Variants in CACNA2D3 observed in about 807,000 individuals in gnomAD.
The protein encoded by CACNA2D3 is calcium voltage-gated channel auxiliary subunit alpha2delta 3.
CACNA2D3 carries 60 observed loss-of-function variants against 160.6 expected under a neutral mutation model. The observed-to-expected ratio is 0.37, with a 90% CI of 0.30 to 0.46. The LOEUF (loss-of-function observed/expected upper bound fraction) is 0.46, where lower values mean the gene tolerates loss of function less well. Ranked by LOEUF, CACNA2D3 falls within the 20% of genes least tolerant of loss-of-function variation. The probability of loss-of-function intolerance (pLI) is 1.00; values close to 1 mark genes in which losing one functional copy is unlikely to be tolerated. For synonymous variants in CACNA2D3, 558 were observed against 492.9 expected (o/e 1.13, Z -1.75); for missense variants, 1,205 against 1,365.0 (o/e 0.88, Z 1.85).
intron 35 of CACNA2D3, among the ~76,000 whole-genome samples, chr3:55,058,731 A>G (rs756936006): frequency 3.3e-5 from 5 of 152,182 alleles, no homozygotes; most frequent in Non-Finnish European, 5.9e-5. Context: ...TTGTGTAAAA[A>G]ATAAAACAAA....
chr3:54,947,756 G>A (rs1043877949), intron 27 of CACNA2D3, among the ~76,000 whole-genome samples: 1 of 152,138 alleles, frequency 6.6e-6, no homozygotes, highest in African/African-American at 2.4e-5. Flanking sequence ...AATATGAAGG[G>A]CTTGGATGCT....
intron 4 of CACNA2D3, among the ~76,000 whole-genome samples, chr3:54,435,855 A>G (rs775685335): frequency 7.2e-5 from 11 of 152,232 alleles, no homozygotes; most frequent in Non-Finnish European, 1.3e-4. Context: ...ACAAATGAAA[A>G]TTAGAAAATC....
chr3:54,265,781 CA>C (rs539083078), intron 2 of CACNA2D3, among the ~76,000 whole-genome samples: 189 of 130,372 alleles, frequency 1.4e-3, no homozygotes, highest in Non-Finnish European at 1.6e-3. Context: ...CATATGAAGG[CA>C]AAAAAAAAAA....
At chr3:54,184,247 C>T (rs796650281) in intron 2 of CACNA2D3, among the ~76,000 whole-genome samples, 24 of 152,306 alleles carry the variant, frequency 1.6e-4, no homozygotes, top group African/African-American at 5.5e-4. Context: ...CTTGACAAAC[C>T]CTTCAGGCTG....
intron 35 of CACNA2D3, among the ~76,000 whole-genome samples, chr3:55,049,572 A>G (rs1197150575): frequency 1.4e-5 from 2 of 145,834 alleles, no homozygotes; most frequent in Non-Finnish European, 3.0e-5. Context: ...AAAAAAATGT[A>G]TATTCTGTTG....
chr3:54,204,941 GA>G (rs1407843977), intron 2 of CACNA2D3, among the ~76,000 whole-genome samples: 1 of 151,410 alleles, frequency 6.6e-6, no homozygotes, highest in African/African-American at 2.4e-5. Flanking sequence ...AAGTTTTTTA[GA>G]AAAAAACATA....
intron 35 of CACNA2D3, among the ~76,000 whole-genome samples, chr3:55,026,974 G>A (rs191895238): frequency 2.6e-5 from 4 of 151,668 alleles, no homozygotes; most frequent in Non-Finnish European, 4.4e-5. Context: ...CTCTCTCACC[G>A]CTAAGCGCGC....
chr3:54,918,849 C>T, intron 27 of CACNA2D3: 1 of 1,575,256 alleles, frequency 6.3e-7, no homozygotes, highest in African/African-American at 1.4e-5. Context: ...CCTTTCCCTT[C>T]CAGGTGTCTG....
intron 11 of CACNA2D3, among the ~76,000 whole-genome samples, chr3:54,690,133 T>C (rs1700546038): frequency 6.6e-6 from 1 of 152,000 alleles, no homozygotes; most frequent in African/African-American, 2.4e-5. Context: ...CTTGTCACTT[T>C]CTCTGTAACA....
chr3:54,961,994 G>C (rs770385489), intron 27 of CACNA2D3, among the ~76,000 whole-genome samples: 6 of 152,056 alleles, frequency 3.9e-5, no homozygotes, highest in Non-Finnish European at 8.8e-5. Context: ...GACTGAGCGT[G>C]CTCACTCAGG....
intron 13 of CACNA2D3, 32 bp from the exon 14 acceptor site, chr3:54,816,820 TC>T (rs1323129844): frequency 1.2e-6 from 2 of 1,610,494 alleles, no homozygotes; most frequent in South Asian, 2.2e-5. Context: ...TCAACTTTTT[TC>T]TTTTTTGTTT....
intron 35 of CACNA2D3, among the ~76,000 whole-genome samples, chr3:55,052,217 A>T (rs1254598250): frequency 6.6e-6 from 1 of 152,116 alleles, no homozygotes; most frequent in African/African-American, 2.4e-5. Flanking sequence ...TGTATCGTTC[A>T]TTTGAAAATA....
At chr3:54,438,819 A>G (rs1700098238) in intron 4 of CACNA2D3, among the ~76,000 whole-genome samples, 1 of 152,226 alleles carries the variant, frequency 6.6e-6, no homozygotes, top group Non-Finnish European at 1.5e-5. Context: ...TACTTGATCT[A>G]AGCTTTATAT....
chr3:54,757,213 G>C (rs1701988495), intron 12 of CACNA2D3, among the ~76,000 whole-genome samples: 1 of 152,098 alleles, frequency 6.6e-6, no homozygotes, highest in Non-Finnish European at 1.5e-5. Flanking sequence ...TTCCAGCTGT[G>C]CAAATAAAGA....
At chr3:54,662,285 C>G (rs891648489) in intron 11 of CACNA2D3, among the ~76,000 whole-genome samples, 3 of 152,110 alleles carry the variant, frequency 2.0e-5, no homozygotes, top group Non-Finnish European at 4.4e-5. Context: ...ATAACTCAAA[C>G]TTTCATGGAT....
intron 2 of CACNA2D3, among the ~76,000 whole-genome samples, chr3:54,140,266 A>T (rs995211380): frequency 6.6e-6 from 1 of 152,198 alleles, no homozygotes; most frequent in Non-Finnish European, 1.5e-5. Context: ...GTGAAAACAA[A>T]TATTTGTCCA....
At chr3:54,771,414 A>G (rs1294385627) in intron 13 of CACNA2D3, among the ~76,000 whole-genome samples, 2 of 152,204 alleles carry the variant, frequency 1.3e-5, no homozygotes, top group Admixed American at 6.5e-5. Context: ...CAAGGCTACA[A>G]GGAAGCGTTG....
At chr3:55,009,667 G>A (rs1559462521) in intron 34 of CACNA2D3, among the ~76,000 whole-genome samples, 2 of 152,144 alleles carry the variant, frequency 1.3e-5, no homozygotes, top group African/African-American at 4.8e-5. Flanking sequence ...TGTACATCTT[G>A]ACCTGTTTCC....
At chr3:54,798,049 T>G (rs1702902560) in intron 13 of CACNA2D3, among the ~76,000 whole-genome samples, 1 of 152,250 alleles carries the variant, frequency 6.6e-6, no homozygotes. Flanking sequence ...GTGAAAAGTG[T>G]GACACTTAAA....
Sources: allele counts gnomAD v4.1 joint callset (sites outside exome capture counted in the v4.1 genomes callset), GRCh38; gene constraint gnomAD v4.1.1; transcripts MANE v1.5; gene names NCBI Gene and HGNC (gene_info 2026-07-23, HGNC 2026-07-21).